Variants in KCNAB1 observed in about 807,000 individuals in gnomAD.
The protein encoded by KCNAB1 is voltage-gated potassium channel subunit beta-1.
Under a neutral mutation model 64.6 loss-of-function variants are expected in KCNAB1, and 35 were observed. The ratio of observed to expected loss-of-function variants is 0.54; its 90% confidence interval spans 0.41 to 0.72. The LOEUF is 0.72. Among genes scored for constraint, KCNAB1 ranks in the 30% least tolerant of loss-of-function variants. The pLI is 0.00. For missense variants in KCNAB1, 401 were observed against 512.9 expected (o/e 0.78, Z 2.11); for synonymous variants, 177 against 183.8 (o/e 0.96, Z 0.30).
intron 4 of KCNAB1, among the ~76,000 whole-genome samples, chr3:156,458,578 G>A (rs1712637241): frequency 6.6e-6 from 1 of 152,166 alleles, no homozygotes; most frequent in African/African-American, 2.4e-5. Flanking sequence ...TCAAGAAGAG[G>A]TCTATGTTTA....
chr3:156,326,794 C>A (rs1213843879), intron 1 of KCNAB1, among the ~76,000 whole-genome samples: 3 of 152,138 alleles, frequency 2.0e-5, no homozygotes, highest in Admixed American at 6.6e-5. Flanking sequence ...TTGTCTGGAA[C>A]CACTGTTTAA....
At chr3:156,214,455 T>G (rs1021247361) in intron 1 of KCNAB1, among the ~76,000 whole-genome samples, 5 of 152,070 alleles carry the variant, frequency 3.3e-5, no homozygotes, top group East Asian at 1.9e-4. Flanking sequence ...CGTTCGGTAT[T>G]AGAATTGTTG....
chr3:156,171,325 A>G (rs1367117334), intron 1 of KCNAB1, among the ~76,000 whole-genome samples: 1 of 152,098 alleles, frequency 6.6e-6, no homozygotes, highest in Non-Finnish European at 1.5e-5. Flanking sequence ...TCTCTCTTCT[A>G]TAAATGTCAT....
chr3:156,350,617 CAA>C (rs1724794997), intron 1 of KCNAB1, among the ~76,000 whole-genome samples: 1 of 151,840 alleles, frequency 6.6e-6, no homozygotes, highest in Non-Finnish European at 1.5e-5. Flanking sequence ...TTTTACTTGA[CAA>C]GAGAGGTCAA....
chr3:156,168,176 C>A (rs996855765), intron 1 of KCNAB1, among the ~76,000 whole-genome samples: 10 of 152,072 alleles, frequency 6.6e-5, no homozygotes, highest in African/African-American at 2.2e-4. Flanking sequence ...GCACTCCAGC[C>A]TGGGTAAGAG....
intron 1 of KCNAB1, among the ~76,000 whole-genome samples, chr3:156,315,828 G>T (rs115313677): frequency 0.014 from 2,116 of 152,224 alleles, 51 homozygotes; most frequent in African/African-American, 0.048. Context: ...TTCTAGAATG[G>T]TTGAATGTGA....
intron 2 of KCNAB1, among the ~76,000 whole-genome samples, chr3:156,438,144 C>T (rs1356482611): frequency 1.3e-5 from 2 of 152,192 alleles, no homozygotes; most frequent in East Asian, 3.8e-4. Flanking sequence ...TAAGGAGCTC[C>T]AAATTCTGGC....
chr3:156,480,567 G>GTGAGGT lies in KCNAB1; in HGVS notation c.658+5749_658+5754dup, dbSNP rs1340991193. On this transcript the variant is annotated intron_variant, in intron 8 of 13. Transcript: ENST00000490337. ...AAAAAAAAAAAGTAAAAAGAAACAG[G>GTGAGGT]TGAGGTTAGTTATTATATTTTATTT... Among the ~76,000 whole-genome samples, 133 of 151,694 alleles carry GTGAGGT rather than the reference G, an allele frequency of 8.8e-4. 1 individual carries two copies. Among genetic ancestry groups the GTGAGGT allele is most frequent in the African/African-American group, 3.2e-3 (132 of 41,402 alleles).
intron 1 of KCNAB1, among the ~76,000 whole-genome samples, chr3:156,160,007 T>G (rs1327680560): frequency 6.6e-6 from 1 of 152,236 alleles, no homozygotes; most frequent in Non-Finnish European, 1.5e-5. Flanking sequence ...ATAATACTGC[T>G]TTTAAAAACA....
At chr3:156,214,954 A>C (rs988482317) in intron 1 of KCNAB1, among the ~76,000 whole-genome samples, 2 of 152,202 alleles carry the variant, frequency 1.3e-5, no homozygotes, top group Non-Finnish European at 2.9e-5. Flanking sequence ...GGAAATGTCT[A>C]TTCCTTATCC....
At chr3:156,214,613 A>G (rs1715203504) in intron 1 of KCNAB1, among the ~76,000 whole-genome samples, 1 of 152,192 alleles carries the variant, frequency 6.6e-6, no homozygotes, top group African/African-American at 2.4e-5. Flanking sequence ...TAGTTACCTG[A>G]CTGCAGTGAT....
At chr3:156,279,647 A>G (rs1719570346) in intron 1 of KCNAB1, among the ~76,000 whole-genome samples, 1 of 152,094 alleles carries the variant, frequency 6.6e-6, no homozygotes, top group South Asian at 2.1e-4. Flanking sequence ...TGACTTTCTA[A>G]TGATTGCCAT....
At chr3:156,359,581 A>G (rs1651392070) in intron 1 of KCNAB1, among the ~76,000 whole-genome samples, 2 of 152,226 alleles carry the variant, frequency 1.3e-5, no homozygotes, top group Non-Finnish European at 2.9e-5. Context: ...GGAGATCAAA[A>G]CTGAGCCAGG....
chr3:156,250,686 G>A (rs1717779522), intron 1 of KCNAB1, among the ~76,000 whole-genome samples: 1 of 152,158 alleles, frequency 6.6e-6, no homozygotes, highest in South Asian at 2.1e-4. Context: ...GAGCCTAGAA[G>A]GGGTGTCCTC....
chr3:156,314,625 C>T (rs1225725220), intron 1 of KCNAB1, among the ~76,000 whole-genome samples: 1 of 152,224 alleles, frequency 6.6e-6, no homozygotes, highest in Non-Finnish European at 1.5e-5. Context: ...TGCCAAATGC[C>T]TATTTTCTGA....
At chr3:156,171,885 C>T (rs1361003030) in intron 1 of KCNAB1, among the ~76,000 whole-genome samples, 5 of 152,152 alleles carry the variant, frequency 3.3e-5, no homozygotes, top group African/African-American at 9.7e-5. Flanking sequence ...ACAGACTTCT[C>T]TAGTATCTTT....
intron 1 of KCNAB1, among the ~76,000 whole-genome samples, chr3:156,402,932 A>G (rs888056378): frequency 7.9e-5 from 12 of 152,158 alleles, no homozygotes; most frequent in Admixed American, 2.6e-4. Flanking sequence ...TTTATTGTCC[A>G]TTTTATGATT....
intron 1 of KCNAB1, among the ~76,000 whole-genome samples, chr3:156,305,343 T>A (rs980432750): frequency 1.3e-5 from 2 of 152,206 alleles, no homozygotes; most frequent in African/African-American, 2.4e-5. Context: ...CCTAGCACGG[T>A]GGCTTGGTAT....
At chr3:156,226,135 C>T (rs1716143919) in intron 1 of KCNAB1, among the ~76,000 whole-genome samples, 1 of 152,110 alleles carries the variant, frequency 6.6e-6, no homozygotes, top group African/African-American at 2.4e-5. Flanking sequence ...AGGAACAAAA[C>T]TAGAGGCATC....
Sources: allele counts gnomAD v4.1 joint callset (sites outside exome capture counted in the v4.1 genomes callset), GRCh38; gene constraint gnomAD v4.1.1; transcripts MANE v1.5; gene names NCBI Gene and HGNC (gene_info 2026-07-23, HGNC 2026-07-21).